Variants in SEMA3D observed in about 807,000 individuals in gnomAD.
The protein encoded by SEMA3D is semaphorin 3D.
Under a neutral mutation model 100.1 loss-of-function variants are expected in SEMA3D, and 84 were observed. The ratio of observed to expected loss-of-function variants is 0.84; its 90% CI spans 0.70 to 1.01. SEMA3D has a LOEUF of 1.01. Among genes scored for constraint, SEMA3D ranks in the 50% least tolerant of loss-of-function variants. The pLI, the probability that SEMA3D is intolerant of heterozygous loss-of-function variation, is 0.00. For missense variants in SEMA3D, 875 were observed against 934.1 expected (o/e 0.94, Z 0.82); for synonymous variants, 312 against 320.7 (o/e 0.97, Z 0.29).
In SEMA3D at chr7:85,151,483, T is replaced by TAGTTCTTAATCAGAACTAGGG. The variant is rs576128008; in HGVS notation, c.-41+2104_-41+2124dup. On this transcript the variant is annotated intron_variant, in intron 2 of 18. Coordinates refer to ENST00000284136, the MANE Select transcript of SEMA3D (RefSeq NM_001384900.1). ...TTCAAAATCAGTTCCAGAAAGAATATAGTTCTTAATCAGAACTAGGGAGTT... is the reference window on the plus strand; with the variant it reads ...TTCAAAATCAGTTCCAGAAAGAATATAGTTCTTAATCAGAACTAGGGAGTTCTTAATCAGAACTAGGGAGTT... The TAGTTCTTAATCAGAACTAGGG allele has an allele frequency of 1.9e-4, 53 of 274,710 alleles. 1 individual carries two copies. Among genetic ancestry groups the TAGTTCTTAATCAGAACTAGGG allele is most frequent in the Admixed American group, 1.9e-3 (29 of 15,372 alleles). 17.0% of individuals were successfully genotyped at this position (274,710 alleles called of 1,614,324 possible). A position where few individuals can be genotyped will look rare whatever the true frequency, so the allele number is the denominator to read the frequency against.
the SEMA3D span, among the ~76,000 whole-genome samples, chr7:85,212,865 A>T: frequency 7.8e-4 from 118 of 152,140 alleles, 1 homozygote; most frequent in South Asian, 8.5e-3. Flanking sequence ...CAGGCAAAAT[A>T]TCTGCTAAAC....
At chr7:85,206,863 C>G in the SEMA3D span, among the ~76,000 whole-genome samples, 37 of 152,062 alleles carry the variant, frequency 2.4e-4, no homozygotes, top group Non-Finnish European at 4.6e-4. Flanking sequence ...CATATATCCA[C>G]ATGATTGTTA....
chr7:85,225,062 A>T, the SEMA3D span, among the ~76,000 whole-genome samples: 3 of 3,100 alleles, frequency 9.7e-4, no homozygotes, highest in South Asian at 8.2e-3. Flanking sequence ...ATATATATAT[A>T]TATATATATA....
At chr7:85,001,558 T>C (rs1034255304) in intron 18 of SEMA3D, among the ~76,000 whole-genome samples, 8 of 152,110 alleles carry the variant, frequency 5.3e-5, no homozygotes, top group Non-Finnish European at 1.0e-4. Context: ...GATAATTTCA[T>C]TGTAATTTTT....
intron 2 of SEMA3D, among the ~76,000 whole-genome samples, chr7:85,131,318 C>T (rs1415705695): frequency 1.3e-5 from 2 of 151,844 alleles, no homozygotes; most frequent in Non-Finnish European, 2.9e-5. Flanking sequence ...AAATAAATTC[C>T]ATTTGTATAG....
intron 1 of SEMA3D, among the ~76,000 whole-genome samples, chr7:85,178,007 C>A (rs1029178034): frequency 2.6e-5 from 4 of 152,062 alleles, no homozygotes; most frequent in Non-Finnish European, 5.9e-5. Flanking sequence ...TCTCATGAGA[C>A]CTGATGGTAT....
intron 2 of SEMA3D, among the ~76,000 whole-genome samples, chr7:85,152,096 T>C (rs1790442871): frequency 6.6e-6 from 1 of 152,228 alleles, no homozygotes; most frequent in Admixed American, 6.6e-5. Context: ...CCTTGTCTTG[T>C]TTTTATGTTT....
At position 85,176,793 on chromosome 7, in the gene SEMA3D, TAGAG is replaced by T. The variant is rs71297126; in HGVS notation, c.-173+9881_-173+9884del. On this transcript the variant is annotated intron_variant, in intron 1 of 18. Coordinates refer to ENST00000284136, the MANE Select transcript of SEMA3D (RefSeq NM_001384900.1). ...GTGTATTTGTATACATATATATATATAGAGAGAGAGAGAGAGAGAGAGAATTGAC... is the reference window on the plus strand; with the variant it reads ...GTGTATTTGTATACATATATATATATAGAGAGAGAGAGAGAGAGAATTGAC... Among the ~76,000 whole-genome samples the T allele has an allele frequency of 1.7e-3, 257 of 149,964 alleles. 2 individuals are homozygous for T. In the East Asian group the frequency reaches 0.036, roughly 21 times the overall value.
At chr7:85,025,692 T>G (rs1790373575) in intron 12 of SEMA3D, among the ~76,000 whole-genome samples, 1 of 151,990 alleles carries the variant, frequency 6.6e-6, no homozygotes, top group African/African-American at 2.4e-5. Context: ...TAGGCTTTCA[T>G]TTTCAGAAGC....
chr7:85,124,968 C>T (rs1789523650), intron 2 of SEMA3D, among the ~76,000 whole-genome samples: 1 of 152,088 alleles, frequency 6.6e-6, no homozygotes, highest in South Asian at 2.1e-4. Context: ...CCTGTTCCTT[C>T]CATTATTTCT....
At chr7:85,222,651 T>C in the SEMA3D span, among the ~76,000 whole-genome samples, 1 of 152,146 alleles carries the variant, frequency 6.6e-6, no homozygotes, top group Non-Finnish European at 1.5e-5. Context: ...CCTCTGTGTC[T>C]GCTTCACAGA....
At chr7:85,065,268 T>C (rs1465688128) in intron 8 of SEMA3D, among the ~76,000 whole-genome samples, 156 bp downstream of exon 8, 1 of 152,216 alleles carries the variant, frequency 6.6e-6, no homozygotes, top group East Asian at 1.9e-4. Context: ...CAAAAGGTTT[T>C]GGAGATTTTC....
At chr7:85,127,388 C>A (rs1403467604) in intron 2 of SEMA3D, among the ~76,000 whole-genome samples, 1 of 152,124 alleles carries the variant, frequency 6.6e-6, no homozygotes, top group Non-Finnish European at 1.5e-5. Flanking sequence ...CTTGGGTTTG[C>A]ATGCCTTATA....
chr7:85,192,186 A>G, the SEMA3D span, among the ~76,000 whole-genome samples: 12 of 152,068 alleles, frequency 7.9e-5, no homozygotes, highest in Non-Finnish European at 1.0e-4. Flanking sequence ...AATGCCCAAC[A>G]TGTTTTTCTA....
chr7:85,057,372 T>A (rs751843078), intron 8 of SEMA3D, among the ~76,000 whole-genome samples: 2 of 152,102 alleles, frequency 1.3e-5, no homozygotes, highest in Non-Finnish European at 2.9e-5. Context: ...AAGGAAAGAC[T>A]TCAATTAGAA....
chr7:85,246,531 C>A, the SEMA3D span, among the ~76,000 whole-genome samples: 1 of 151,796 alleles, frequency 6.6e-6, no homozygotes, highest in South Asian at 2.1e-4. Flanking sequence ...ATGTGAAACG[C>A]TTAATTGTCA....
At chr7:85,103,598 T>G (rs1037056423) in intron 3 of SEMA3D, among the ~76,000 whole-genome samples, 1 of 151,966 alleles carries the variant, frequency 6.6e-6, no homozygotes, top group Non-Finnish European at 1.5e-5. Flanking sequence ...TTGTTTTATC[T>G]CCCTAAACCT....
At chr7:85,107,858 C>T (rs949632628) in intron 3 of SEMA3D, among the ~76,000 whole-genome samples, 2 of 151,952 alleles carry the variant, frequency 1.3e-5, no homozygotes, top group Non-Finnish European at 2.9e-5. Context: ...CTACTGCCCG[C>T]CATATTACTA....
chr7:85,141,362 G>C (rs890737833), intron 2 of SEMA3D: 4 of 984,016 alleles, frequency 4.1e-6, no homozygotes, highest in Non-Finnish European at 4.8e-6. Flanking sequence ...TGCACAGTAT[G>C]CCCTATTTCT....
Sources: gnomAD v4.1 joint callset for allele counts (sites outside exome capture counted in the v4.1 genomes callset) on GRCh38, gnomAD v4.1.1 for gene constraint, MANE v1.5 for transcripts, NCBI Gene and HGNC (gene_info 2026-07-23, HGNC 2026-07-21) for gene names.